The following TAF11L14 variants were observed in gnomAD, a reference collection of about 807,000 sequenced individuals.
The protein encoded by TAF11L14 is TATA-box binding protein associated factor 11 like 14, also known as TATA-box-binding protein-associated factor 11-like protein 14.
Position 17,634,874 on chromosome 5 carries a change from G to A in TAF11L14, c.415G>A (p.Ala139Thr), listed in dbSNP as rs569159093. ...TGGGAGATCGGTGCCTGAGAACATG[G>A]CCATTGCCATGGCTGGAATAGCCAA... The change falls in exon 1 of 1, where the codon GCC becomes ACC. Residue 139 changes from alanine to threonine, a missense_variant. Physicochemically the swap from Ala to Thr is moderately conservative, Grantham distance 58. Transcript: ENST00000512227. 4.0e-3 allele frequency: 1,578 copies of A among 398,568 alleles called. 40 individuals carry two copies. The highest frequency in any genetic ancestry group is 5.5e-3 in the Non-Finnish European group (1,243 of 225,868). 24.7% of individuals were successfully genotyped at this position (398,568 alleles called of 1,614,324 possible).
At chr5:17,634,629 T>G (rs940583610) in exon 1 of TAF11L14, 5 of 398,274 alleles carry the variant, frequency 1.3e-5, no homozygotes, top group Non-Finnish European at 2.2e-5. Flanking sequence ...CTCACAGTAG[T>G]TGACAATGAG....
At chr5:17,634,951 G>C (rs1739783724) in exon 1 of TAF11L14, 3 of 398,288 alleles carry the variant, frequency 7.5e-6, no homozygotes, top group Non-Finnish European at 4.4e-6. Flanking sequence ...GTGAGATGTG[G>C]GGAGAAATGC....
At chr5:17,634,518 T>G in exon 1 of TAF11L14, 1 of 398,278 alleles carries the variant, frequency 2.5e-6, no homozygotes, top group African/African-American at 2.1e-5. Context: ...CCCCGAGGTC[T>G]GAAGGGCTGC....
chr5:17,634,469 G>C (rs557053863), exon 1 of TAF11L14: 2 of 398,196 alleles, frequency 5.0e-6, no homozygotes, highest in Non-Finnish European at 8.9e-6. Context: ...CATGGAGACC[G>C]GCAGGCAAAC....
At chr5:17,634,667 A>C (rs539318568) in exon 1 of TAF11L14, 2 of 398,844 alleles carry the variant, frequency 5.0e-6, no homozygotes, top group South Asian at 2.5e-4. Context: ...TCCTGCAGCC[A>C]AAAGACAGAA....
chr5:17,634,792 G>T (rs116314342), exon 1 of TAF11L14: 6,651 of 398,680 alleles, frequency 0.017, 224 homozygotes, highest in Non-Finnish European at 0.021. Context: ...GCTATGAAGT[G>T]TGTCGCCAGT....
At chr5:17,634,716 T>C in exon 1 of TAF11L14, 1 of 398,776 alleles carries the variant, frequency 2.5e-6, no homozygotes, top group Non-Finnish European at 4.4e-6. Context: ...AAGCCCAGTG[T>C]GGATGCAGAG....
exon 1 of TAF11L14, chr5:17,634,723 A>C (rs547199861): frequency 2.5e-6 from 1 of 398,736 alleles, no homozygotes; most frequent in Admixed American, 4.4e-5. Flanking sequence ...GTGTGGATGC[A>C]GAGGAGGCTC....
At chr5:17,634,967 T>C (rs1333496892) in exon 1 of TAF11L14, 8 of 398,226 alleles carry the variant, frequency 2.0e-5, no homozygotes, top group Non-Finnish European at 3.1e-5. Flanking sequence ...AATGCCCCCA[T>C]TGCAGCCCAT....
exon 1 of TAF11L14, chr5:17,634,979 G>T: frequency 2.5e-6 from 1 of 398,356 alleles, no homozygotes; most frequent in East Asian, 3.6e-5. Context: ...GCAGCCCATG[G>T]ATTTAAGGGA....
rs986008215 is a variant in TAF11L14, at chr5:17,634,764, C to T, written c.305C>T (p.Ser102Phe). 7.5e-6 allele frequency: 3 copies of T among 398,798 alleles called. 1 individual carries two copies. 24.7% of individuals were successfully genotyped at this position (398,798 alleles called of 1,614,324 possible). A position where few individuals can be genotyped will look rare whatever the true frequency, so the allele number is the denominator to read the frequency against. The change falls in exon 1 of 1, where the codon TCT (serine) becomes TTT (phenylalanine). Residue 102 changes from serine to phenylalanine, a missense_variant. Coordinates refer to ENST00000512227, the Ensembl canonical transcript of TAF11L14. ...ATGACAACCCTGCTGTCTGCCATGT[C>T]TGAGGAGCAGCTGTCCCGCTATGAA...
At chr5:17,634,870 C>G (rs1176191813) in exon 1 of TAF11L14, 2 of 398,574 alleles carry the variant, frequency 5.0e-6, no homozygotes, top group Middle Eastern at 6.3e-4. Context: ...TGCCTGAGAA[C>G]ATGGCCATTG....
chr5:17,634,757 G>T (rs1313194932), exon 1 of TAF11L14: 1 of 398,800 alleles, frequency 2.5e-6, no homozygotes. Context: ...CCTGCTGTCT[G>T]CCATGTCTGA....
At chr5:17,634,535 G>A in exon 1 of TAF11L14, 3 of 398,392 alleles carry the variant, frequency 7.5e-6, no homozygotes, top group Non-Finnish European at 1.3e-5. Flanking sequence ...CTGCAACGAG[G>A]ATGGAATCCC....
chr5:17,635,041 A>G, exon 1 of TAF11L14: 2 of 398,552 alleles, frequency 5.0e-6, no homozygotes, highest in Non-Finnish European at 8.9e-6. Flanking sequence ...ACTATAAAAA[A>G]GTCATGTTCT....
At chr5:17,634,716 T>A (rs1561017628) in exon 1 of TAF11L14, 1 of 398,658 alleles carries the variant, frequency 2.5e-6, no homozygotes, top group Non-Finnish European at 4.4e-6. Context: ...AAGCCCAGTG[T>A]GGATGCAGAG....
At chr5:17,634,803 T>C (rs1444683986) in exon 1 of TAF11L14, 9 of 398,522 alleles carry the variant, frequency 2.3e-5, no homozygotes, top group Non-Finnish European at 4.0e-5. Flanking sequence ...TGTCGCCAGT[T>C]AGCTTTCCCA....
At chr5:17,634,533 A>G in exon 1 of TAF11L14, 1 of 398,334 alleles carries the variant, frequency 2.5e-6, no homozygotes, top group Non-Finnish European at 4.4e-6. Flanking sequence ...GGCTGCAACG[A>G]GGATGGAATC....
chr5:17,634,594 G>A (rs550966807), exon 1 of TAF11L14: 3 of 398,408 alleles, frequency 7.5e-6, no homozygotes, highest in African/African-American at 4.1e-5. Context: ...AGGAATGTGA[G>A]CTCAGGAGTG....
Sources: allele counts gnomAD v4.1 joint callset, GRCh38; gene constraint gnomAD v4.1.1; transcripts MANE v1.5; gene names NCBI Gene and HGNC (gene_info 2026-07-23, HGNC 2026-07-21).